AGK: variants seen among roughly 807,000 people sequenced by gnomAD.
AGK encodes the protein acylglycerol kinase, mitochondrial.
AGK carries 52 observed loss-of-function variants against 66.4 expected under a neutral mutation model. That is an observed-to-expected ratio of 0.78 (90% CI 0.63 to 0.99). AGK has a LOEUF of 0.99. Among genes scored for constraint, AGK ranks in the 50% least tolerant of loss-of-function variants. AGK has a pLI of 0.00. For synonymous variants in AGK, 182 were observed against 181.1 expected, an observed-to-expected ratio of 1.00 and a Z score of -0.04; for missense variants, 451 against 506.6, an observed-to-expected ratio of 0.89 and a Z score of 1.05.
At chr7:141,651,872 A>G (rs1423959753) in intron 15 of AGK, among the ~76,000 whole-genome samples, 2 of 152,218 alleles carry the variant, frequency 1.3e-5, no homozygotes, top group Non-Finnish European at 2.9e-5. Context: ...AGTGAGTTTT[A>G]GGTCTCCTTT....
intron 6 of AGK, among the ~76,000 whole-genome samples, chr7:141,611,529 A>G (rs1230192664): frequency 6.6e-6 from 1 of 152,204 alleles, no homozygotes; most frequent in Admixed American, 6.5e-5. Context: ...AAGTTTGATA[A>G]TATTGAATAT....
chr7:141,599,297 A>T (rs1328000691), intron 4 of AGK: 1 of 152,136 alleles, frequency 6.6e-6, no homozygotes, highest in East Asian at 1.9e-4. Flanking sequence ...AATAATACAT[A>T]AAAGAGTAAT....
At chr7:141,650,592 C>T in intron 14 of AGK, 1 of 985,372 alleles carries the variant, frequency 1.0e-6, no homozygotes, top group South Asian at 4.7e-5. Flanking sequence ...GATAAATGGA[C>T]TGATTTACTT....
chr7:141,578,889 A>G (rs555293279), intron 2 of AGK, among the ~76,000 whole-genome samples: 2 of 148,816 alleles, frequency 1.3e-5, no homozygotes, highest in Non-Finnish European at 3.0e-5. Context: ...AAGATTATTT[A>G]TGTACTTTAA....
intron 2 of AGK, among the ~76,000 whole-genome samples, chr7:141,573,879 GGTTA>G (rs1350343308): frequency 6.6e-6 from 1 of 151,948 alleles, no homozygotes; most frequent in Non-Finnish European, 1.5e-5. Context: ...ACAATGTGCA[GGTTA>G]GTTACATATG....
chr7:141,569,748 A>C (rs147875006), intron 2 of AGK, among the ~76,000 whole-genome samples: 16 of 152,308 alleles, frequency 1.1e-4, no homozygotes, highest in African/African-American at 3.6e-4. Flanking sequence ...GCTCAAGGTC[A>C]CACAGCTGGT....
chr7:141,596,942 G>T (rs970490200), intron 4 of AGK: 1 of 280,244 alleles, frequency 3.6e-6, no homozygotes, highest in African/African-American at 2.2e-5. Context: ...CTGCTAGGAC[G>T]TAAATCCTTA....
In AGK at chr7:141,653,638, C is replaced by CCCAGGTGATTCT. The variant is rs1171312711; in HGVS notation, c.*715_*726dup. The CCCAGGTGATTCT allele has an allele frequency of 2.0e-5, 3 of 152,184 alleles. No homozygotes were observed. Among genetic ancestry groups the CCCAGGTGATTCT allele is most frequent in the Non-Finnish European group, 4.4e-5 (3 of 68,050 alleles). 9.4% of individuals were successfully genotyped at this position (152,184 alleles called of 1,614,324 possible). On this transcript the variant is annotated 3_prime_UTR_variant, in exon 16 of 16. Coordinates refer to ENST00000649286, the MANE Select transcript of AGK (RefSeq NM_018238.4). The stretch of plus-strand genomic sequence containing the variant: ...CATTTTTAAAAAGTCATCTGCCCTT[C>CCCAGGTGATTCT]CCAGGTGATTCTGTAAGTTGTCCCT...
chr7:141,565,963 C>G (rs937287833), intron 2 of AGK, among the ~76,000 whole-genome samples: 1 of 152,226 alleles, frequency 6.6e-6, no homozygotes, highest in East Asian at 1.9e-4. Flanking sequence ...CTTACCAGCT[C>G]TACATGTGCT....
intron 9 of AGK, among the ~76,000 whole-genome samples, chr7:141,633,134 A>G (rs1562980154): frequency 6.6e-6 from 1 of 152,148 alleles, no homozygotes; most frequent in Non-Finnish European, 1.5e-5. Context: ...AGCATTCGGT[A>G]GCTCTCTTTA....
In AGK at chr7:141,625,026, A is replaced by G. The variant is rs1796905960; in HGVS notation, c.588+3225A>G. On this transcript the variant is annotated intron_variant, in intron 9 of 15. Coordinates refer to ENST00000649286, the MANE Select transcript of AGK (RefSeq NM_018238.4). Reference sequence around the variant, plus strand: ...GTCAGCAGCTATCAGCATGGAGGCAAGACACTCTACAGCAAAGATTATGAC... The same window carrying G: ...GTCAGCAGCTATCAGCATGGAGGCAGGACACTCTACAGCAAAGATTATGAC... 3.3e-5 allele frequency among the ~76,000 whole-genome samples: 5 copies of G among 152,356 alleles called. No individual in the cohort carries two copies. In the South Asian group the frequency reaches 1.0e-3, roughly 32 times the overall value.
intron 2 of AGK, among the ~76,000 whole-genome samples, chr7:141,562,793 G>A (rs1795378116): frequency 6.6e-6 from 1 of 152,204 alleles, no homozygotes. Context: ...TGAGAAAGCA[G>A]GCAAGGCTTT....
intron 9 of AGK, among the ~76,000 whole-genome samples, chr7:141,623,947 T>C (rs1054847762): frequency 3.9e-5 from 6 of 152,012 alleles, no homozygotes; most frequent in Non-Finnish European, 7.4e-5. Context: ...CTTTAAAAAT[T>C]ATGCTACATC....
At position 141,591,958 on chromosome 7, in the gene AGK, A is replaced by G. The variant is rs568905952; in HGVS notation, c.102-1188A>G. ...GAATGCTTTCATTTTTGGAAGCCAA[A>G]ATTTTGCCTCATGACAAAATTCTCC... On this transcript the variant is annotated intron_variant, in intron 2 of 15. Coordinates refer to ENST00000649286, the MANE Select transcript of AGK (RefSeq NM_018238.4). Among the ~76,000 whole-genome samples, 9 of 152,286 alleles carry G rather than the reference A, an allele frequency of 5.9e-5. No individual in the cohort carries two copies. The South Asian group carries it at 1.9e-3, about 32-fold the overall frequency.
At chr7:141,615,835 C>T (rs1005700060) in intron 8 of AGK, 3 of 370,530 alleles carry the variant, frequency 8.1e-6, no homozygotes, top group Middle Eastern at 7.0e-4. Context: ...TGACCTAAAC[C>T]GTTTTTGTGC....
At chr7:141,601,385 A>G in intron 5 of AGK, 105 bp downstream of exon 5, 2 of 830,114 alleles carry the variant, frequency 2.4e-6, no homozygotes, top group South Asian at 3.2e-5. Context: ...GAGCAAAGAA[A>G]TTAATGTTGT....
intron 2 of AGK, among the ~76,000 whole-genome samples, chr7:141,557,851 A>G (rs972229538): frequency 6.6e-6 from 1 of 152,202 alleles, no homozygotes; most frequent in African/African-American, 2.4e-5. Context: ...ATTGTGGTGA[A>G]AAAACACAGG....
rs142012320 is a variant in AGK, at chr7:141,630,707, A to G, written c.589-3194A>G. Among the ~76,000 whole-genome samples the G allele has an allele frequency of 2.1e-3, 326 of 152,288 alleles. 3 individuals carry two copies. Among genetic ancestry groups the G allele is most frequent in the African/African-American group, 7.1e-3 (297 of 41,548 alleles). On this transcript the variant is annotated intron_variant, in intron 9 of 15. Coordinates refer to ENST00000649286, the MANE Select transcript of AGK (RefSeq NM_018238.4). ...ACTTACCACACTATTATACTTACTTAGCAATTTTGTTAAGTTGAAGGCATT... is the reference window on the plus strand; with the variant it reads ...ACTTACCACACTATTATACTTACTTGGCAATTTTGTTAAGTTGAAGGCATT...
intron 2 of AGK, among the ~76,000 whole-genome samples, chr7:141,569,262 G>A (rs894887830): frequency 6.6e-6 from 1 of 152,144 alleles, no homozygotes; most frequent in Non-Finnish European, 1.5e-5. Flanking sequence ...TAGGCTGGGC[G>A]TGGTGGCTCA....
Sources: allele counts gnomAD v4.1 joint callset (sites outside exome capture counted in the v4.1 genomes callset), GRCh38; gene constraint gnomAD v4.1.1; transcripts MANE v1.5; gene names NCBI Gene and HGNC (gene_info 2026-07-23, HGNC 2026-07-21).